Variants in STRN3 observed in about 807,000 individuals in gnomAD.
STRN3 encodes the protein striatin-3.
Under a neutral mutation model 95.6 loss-of-function variants are expected in STRN3, and 29 were observed. The observed-to-expected ratio is 0.30, with a 90% CI of 0.23 to 0.41. The LOEUF is 0.41. Ranked by LOEUF, STRN3 falls within the 10% of genes least tolerant of loss-of-function variation. STRN3 has a pLI of 1.00. For missense variants in STRN3, 890 were observed against 972.1 expected (o/e 0.92, Z 1.12); for synonymous variants, 331 against 357.6 (o/e 0.93, Z 0.84).
At chr14:30,969,935 C>CTGCT (rs930744246) in intron 1 of STRN3, among the ~76,000 whole-genome samples, 1 of 152,174 alleles carries the variant, frequency 6.6e-6, no homozygotes. Flanking sequence ...ACCACCAAGA[C>CTGCT]TGCTGTTCGT....
At chr14:31,025,495 TC>T (rs1409474144) in intron 1 of STRN3, 1 of 207,114 alleles carries the variant, frequency 4.8e-6, no homozygotes, top group East Asian at 1.6e-4. Flanking sequence ...CCTATCCTAG[TC>T]CCTCTCTTCG....
At chr14:30,920,550 C>G (rs909835711) in intron 8 of STRN3, among the ~76,000 whole-genome samples, 1 of 152,156 alleles carries the variant, frequency 6.6e-6, no homozygotes, top group Non-Finnish European at 1.5e-5. Context: ...TTTGCAACCA[C>G]ATCTTAATTC....
intron 1 of STRN3, among the ~76,000 whole-genome samples, chr14:30,983,264 C>T (rs1049311665): frequency 1.3e-5 from 2 of 152,166 alleles, no homozygotes; most frequent in African/African-American, 2.4e-5. Flanking sequence ...TAAGGCAGGC[C>T]GGGTGCAGTG....
chr14:30,940,313 T>C (rs1038040838), intron 5 of STRN3, among the ~76,000 whole-genome samples: 1 of 152,158 alleles, frequency 6.6e-6, no homozygotes, highest in Non-Finnish European at 1.5e-5. Flanking sequence ...TGACTTAGTC[T>C]CTCAGAATTC....
intron 1 of STRN3, among the ~76,000 whole-genome samples, chr14:30,996,939 T>C (rs1220013776): frequency 6.6e-6 from 1 of 151,704 alleles, no homozygotes; most frequent in East Asian, 1.9e-4. Flanking sequence ...GACCATGAAA[T>C]TGGATTGTTG....
intron 1 of STRN3, 105 bp from the exon 2 acceptor site, chr14:30,956,347 A>G: frequency 1.9e-6 from 2 of 1,060,870 alleles, no homozygotes; most frequent in South Asian, 1.4e-5. Context: ...GACTCATGAT[A>G]TCAAGATTTT....
Position 30,894,987 on chromosome 14 carries a change from C to T in STRN3, c.*424G>A. The T allele has an allele frequency of 2.5e-6, 2 of 793,042 alleles. No homozygotes were observed. Among genetic ancestry groups the T allele is most frequent in the Non-Finnish European group, 3.2e-6 (2 of 633,074 alleles). 49.1% of individuals were successfully genotyped at this position (793,042 alleles called of 1,614,324 possible). A position where few individuals can be genotyped will look rare whatever the true frequency, so the allele number is the denominator to read the frequency against. On this transcript the variant is annotated 3_prime_UTR_variant, in exon 18 of 18. Coordinates refer to ENST00000357479, the MANE Select transcript of STRN3 (RefSeq NM_001083893.2). The stretch of plus-strand genomic sequence containing the variant: ...ATCACTAAGAGATGAAAAAAAGCTA[C>T]TCTTGGAGCTCACTTCCCCCAACAA...
At chr14:30,923,634 T>C (rs1305879015) in intron 8 of STRN3, among the ~76,000 whole-genome samples, 3 of 152,176 alleles carry the variant, frequency 2.0e-5, no homozygotes, top group Non-Finnish European at 4.4e-5. Flanking sequence ...GGAAAGCCTA[T>C]ACATCTTTTC....
At chr14:30,898,807 T>G (rs1341577522) in intron 16 of STRN3, among the ~76,000 whole-genome samples, 1 of 152,236 alleles carries the variant, frequency 6.6e-6, no homozygotes, top group East Asian at 1.9e-4. Context: ...CCACTGCACA[T>G]GCCCATTCTC....
intron 1 of STRN3, among the ~76,000 whole-genome samples, chr14:30,994,119 GC>G (rs1882092897): frequency 6.6e-6 from 1 of 151,966 alleles, no homozygotes; most frequent in East Asian, 1.9e-4. Context: ...CAGGTGATCC[GC>G]CCGCCTCGGC....
intron 1 of STRN3, among the ~76,000 whole-genome samples, chr14:30,959,610 A>G (rs551160677): frequency 6.6e-6 from 1 of 152,324 alleles, no homozygotes; most frequent in East Asian, 1.9e-4. Flanking sequence ...CTCTGCAAAT[A>G]AACACTTTTA....
chr14:30,968,943 G>T (rs1420706005), intron 1 of STRN3, among the ~76,000 whole-genome samples: 1 of 151,952 alleles, frequency 6.6e-6, no homozygotes, highest in Non-Finnish European at 1.5e-5. Flanking sequence ...ACATTAAAAG[G>T]TTAAAAAAAA....
In STRN3 at chr14:30,895,709, A is replaced by G; in HGVS notation, c.2177T>C (p.Val726Ala). 2 of 1,614,052 alleles carry G rather than the reference A, an allele frequency of 1.2e-6. No homozygotes were observed. Among genetic ancestry groups the G allele is most frequent in the Non-Finnish European group, 1.7e-6 (2 of 1,179,990 alleles). ...ATTAGGATCTACTGCTAGACTTGTA[A>G]CAGCATCCAAGTGAGCTACCATAGA... is the stretch of plus-strand genomic sequence containing the variant. ...IHSMVAHLDA[V>A]TSLAVDPNGI... Residue 726 changes from valine (V) to alanine (A), a missense_variant, in exon 17 of 18, where the codon GTT (valine) becomes GCT (alanine). Around this residue, in one of 3 missense-constraint regions of STRN3, gnomAD observed 357 missense variants for 422.8 expected, o/e 0.84. Transcript: ENST00000357479.
chr14:30,955,689 T>C lies in STRN3; in HGVS notation c.391A>G (p.Lys131Glu), dbSNP rs775509920. 6.3e-7 allele frequency: 1 copy of C among 1,583,050 alleles called. No individual in the cohort carries two copies. Among genetic ancestry groups the C allele is most frequent in the Non-Finnish European group, 8.5e-7 (1 of 1,171,380 alleles). ...LEYALKQERAKYHKLKYGTEL... is the reference protein window; with the variant it reads ...LEYALKQERAEYHKLKYGTEL... ...GTGCCATATTTTAATTTGTGATATT[T>C]TGCCCTGAAAATTTAATCACAAATT... Residue 131 changes from lysine (K) to glutamate (E), a missense_variant, in exon 3 of 18, where the codon AAA becomes GAA. Physicochemically the swap from Lys to Glu is moderately conservative, Grantham distance 56 (BLOSUM62 1). Around this residue, in one of 3 missense-constraint regions of STRN3, gnomAD observed 526 missense variants for 526.3 expected, o/e 1.00. Transcript: ENST00000357479.
chr14:30,907,024 T>C lies in STRN3; in HGVS notation c.1741A>G (p.Thr581Ala). The part of the protein sequence containing the change: ...DTYEPNVLAG[T>A]LVGHTDAVWG... Reference sequence around the variant, plus strand: ...ACTGCATCTGTATGACCAACTAAAGTGCCAGCTAGAACATTTGGCTCTGGG... The same window carrying C: ...ACTGCATCTGTATGACCAACTAAAGCGCCAGCTAGAACATTTGGCTCTGGG... Residue 581 changes from threonine to alanine, a missense_variant, in exon 14 of 18, where the codon ACT becomes GCT. Around this residue, in one of 3 missense-constraint regions of STRN3, gnomAD observed 357 missense variants for 422.8 expected, o/e 0.84. Coordinates refer to ENST00000357479, the MANE Select transcript of STRN3 (RefSeq NM_001083893.2). 1 of 1,612,628 alleles carries C rather than the reference T, an allele frequency of 6.2e-7. No individual in the cohort carries two copies. Among genetic ancestry groups the C allele is most frequent in the Non-Finnish European group, 8.5e-7 (1 of 1,179,540 alleles).
chr14:30,963,279 C>T (rs1880303790), intron 1 of STRN3, among the ~76,000 whole-genome samples: 3 of 152,112 alleles, frequency 2.0e-5, no homozygotes, highest in Admixed American at 2.0e-4. Flanking sequence ...AGGATCTGAA[C>T]ACAACAAATC....
chr14:31,014,175 G>T (rs1188209042), intron 1 of STRN3, among the ~76,000 whole-genome samples: 2 of 151,970 alleles, frequency 1.3e-5, no homozygotes, highest in Non-Finnish European at 2.9e-5. Context: ...AAAGTGCTGG[G>T]ATTATAGGAA....
chr14:31,021,450 G>C (rs865927867), intron 1 of STRN3, among the ~76,000 whole-genome samples: 1 of 152,124 alleles, frequency 6.6e-6, no homozygotes, highest in Non-Finnish European at 1.5e-5. Flanking sequence ...AATGAATACT[G>C]AATGAATTAA....
chr14:30,971,724 T>A (rs913248230), intron 1 of STRN3, among the ~76,000 whole-genome samples: 4 of 151,750 alleles, frequency 2.6e-5, no homozygotes, highest in Non-Finnish European at 5.9e-5. Context: ...ATCCAATGAG[T>A]CAGACAGCAA....
Sources: allele counts gnomAD v4.1 joint callset (sites outside exome capture counted in the v4.1 genomes callset), GRCh38; gene constraint gnomAD v4.1.1; regional missense constraint gnomAD v4.1.1; transcripts MANE v1.5; gene names NCBI Gene and HGNC (gene_info 2026-07-23, HGNC 2026-07-21).